Variants in FOXP2 observed in about 807,000 individuals in gnomAD.
The protein encoded by FOXP2 is forkhead box P2.
A neutral mutation model predicts 115.8 loss-of-function variants in FOXP2; 12 were observed. The observed-to-expected ratio is 0.10, with a 90% confidence interval of 0.07 to 0.17. The LOEUF (loss-of-function observed/expected upper bound fraction) is 0.17. Ranked by LOEUF, FOXP2 falls within the 10% of genes least tolerant of loss-of-function variation. FOXP2 has a pLI of 1.00. For synonymous variants in FOXP2, 328 were observed against 297.7 expected, an observed-to-expected ratio of 1.10 and a Z score of -1.05; for missense variants, 629 against 843.5, an observed-to-expected ratio of 0.75 and a Z score of 3.15.
chr7:114,662,974 A>C (rs1168667714), intron 14 of FOXP2, among the ~76,000 whole-genome samples: 1 of 152,146 alleles, frequency 6.6e-6, no homozygotes, highest in Non-Finnish European at 1.5e-5. Flanking sequence ...AGTATGTGCT[A>C]ATATCTGCAT....
intron 1 of FOXP2, among the ~76,000 whole-genome samples, chr7:114,151,468 C>G (rs1000485825): frequency 3.9e-5 from 6 of 151,956 alleles, no homozygotes; most frequent in African/African-American, 1.4e-4. Flanking sequence ...TTGGACACTA[C>G]ATACTGTTTC....
chr7:114,553,274 G>A (rs895155515), intron 3 of FOXP2, among the ~76,000 whole-genome samples: 1 of 152,110 alleles, frequency 6.6e-6, no homozygotes, highest in Admixed American at 6.5e-5. Flanking sequence ...TTTCTCTTAC[G>A]TGATGAGGAT....
At chr7:114,385,303 G>A (rs1020121675) in intron 2 of FOXP2, among the ~76,000 whole-genome samples, 5 of 152,194 alleles carry the variant, frequency 3.3e-5, no homozygotes, top group African/African-American at 4.8e-5. Flanking sequence ...CTAGGAGGCA[G>A]GGATCAGAGG....
At chr7:114,461,375 G>T (rs557312190) in intron 2 of FOXP2, among the ~76,000 whole-genome samples, 15 of 151,968 alleles carry the variant, frequency 9.9e-5, no homozygotes, top group African/African-American at 3.6e-4. Flanking sequence ...TAATGTATGG[G>T]TCATTACTTA....
intron 3 of FOXP2, among the ~76,000 whole-genome samples, chr7:114,550,118 T>TC (rs1800130216): frequency 7.1e-6 from 1 of 140,704 alleles, no homozygotes; most frequent in African/African-American, 2.7e-5. Context: ...TTTTCTTTTT[T>TC]TTTTTTTTTT....
At chr7:114,603,739 G>A (rs140093514) in intron 3 of FOXP2, among the ~76,000 whole-genome samples, 34 of 152,198 alleles carry the variant, frequency 2.2e-4, no homozygotes, top group African/African-American at 7.5e-4. Context: ...CAAAAATTTT[G>A]ATTATTACGA....
In FOXP2 at chr7:114,654,563, C is replaced by T. The variant is rs78506739; in HGVS notation, c.1266+554C>T. 1.5e-4 allele frequency among the ~76,000 whole-genome samples: 23 copies of T among 152,174 alleles called. No homozygotes were observed. The East Asian group carries it at 4.4e-3, about 29-fold the overall frequency. ...TTATACATAATGTTAATTTAGAGAG[C>T]TTATCACAAAAAGAAGTGGGTGATT... On this transcript the variant is annotated intron_variant, in intron 10 of 16. Transcript: ENST00000350908.
At chr7:114,631,478 G>T in intron 5 of FOXP2, 50 bp from the exon 6 acceptor site, 1 of 1,550,624 alleles carries the variant, frequency 6.4e-7, no homozygotes, top group Non-Finnish European at 8.7e-7. Context: ...AGAGCTGTTT[G>T]TACAGACCAT....
At chr7:114,631,968 T>C (rs1400306941) in intron 6 of FOXP2, among the ~76,000 whole-genome samples, 1 of 152,172 alleles carries the variant, frequency 6.6e-6, no homozygotes, top group Non-Finnish European at 1.5e-5. Context: ...CACAAAATGA[T>C]TTATAAGGGC....
intron 1 of FOXP2, among the ~76,000 whole-genome samples, chr7:114,091,581 C>T (rs767865761): frequency 9.2e-5 from 14 of 151,830 alleles, no homozygotes; most frequent in Non-Finnish European, 2.1e-4. Flanking sequence ...CAGAGTATAT[C>T]TGTGCTCTAA....
At chr7:114,389,555 T>C (rs17137009) in intron 2 of FOXP2, among the ~76,000 whole-genome samples, 12,435 of 152,192 alleles carry the variant, frequency 0.082, 1,055 homozygotes, top group East Asian at 0.32. Context: ...TTTTTTTTCA[T>C]AGGAAACTAT....
intron 2 of FOXP2, chr7:114,288,135 T>G: frequency 2.2e-6 from 1 of 451,530 alleles, no homozygotes; most frequent in Non-Finnish European, 4.4e-6. Context: ...GTAAAAATTC[T>G]CCTTTGGTCA....
chr7:114,607,286 T>C (rs1803382027), intron 3 of FOXP2, among the ~76,000 whole-genome samples: 1 of 152,090 alleles, frequency 6.6e-6, no homozygotes, highest in Admixed American at 6.6e-5. Context: ...AAGAAGAAGA[T>C]GAAAAATGTA....
intron 2 of FOXP2, among the ~76,000 whole-genome samples, chr7:114,367,791 C>T (rs2129188684): frequency 6.6e-6 from 1 of 152,260 alleles, no homozygotes; most frequent in Middle Eastern, 3.4e-3. Flanking sequence ...GGAACATCAC[C>T]TCCTTCTAGT....
At chr7:114,500,960 A>G (rs1367287395) in intron 2 of FOXP2, among the ~76,000 whole-genome samples, 2 of 152,200 alleles carry the variant, frequency 1.3e-5, no homozygotes, top group African/African-American at 2.4e-5. Flanking sequence ...CTATAAATGC[A>G]TATCACAACT....
chr7:114,432,925 G>A (rs1794179956), intron 2 of FOXP2, among the ~76,000 whole-genome samples: 1 of 151,944 alleles, frequency 6.6e-6, no homozygotes, highest in Non-Finnish European at 1.5e-5. Flanking sequence ...GTGTCCATCT[G>A]TGTTAAGATA....
chr7:114,575,513 T>C (rs927014066), intron 3 of FOXP2, among the ~76,000 whole-genome samples: 38 of 151,916 alleles, frequency 2.5e-4, no homozygotes, highest in African/African-American at 8.9e-4. Flanking sequence ...AGTTGAATAC[T>C]GACTTGTTCA....
At chr7:114,348,388 T>C (rs1474584599) in intron 2 of FOXP2, among the ~76,000 whole-genome samples, 1 of 152,108 alleles carries the variant, frequency 6.6e-6, no homozygotes, top group African/African-American at 2.4e-5. Context: ...GCTTCTCTTC[T>C]TCAAGGTTTG....
At chr7:114,336,953 A>G (rs755583998) in intron 2 of FOXP2, among the ~76,000 whole-genome samples, 5 of 151,574 alleles carry the variant, frequency 3.3e-5, no homozygotes, top group Non-Finnish European at 7.4e-5. Context: ...ATTCAATTAA[A>G]TAAGTCTGAT....
Sources: gnomAD v4.1 joint callset for allele counts (sites outside exome capture counted in the v4.1 genomes callset) on GRCh38, gnomAD v4.1.1 for gene constraint, MANE v1.5 for transcripts, NCBI Gene and HGNC (gene_info 2026-07-23, HGNC 2026-07-21) for gene names.